Variants in NALCN observed in about 807,000 individuals in gnomAD.
NALCN encodes the protein sodium leak channel, non-selective.
A neutral mutation model predicts 225.3 loss-of-function variants in NALCN; 111 were observed. The observed-to-expected ratio is 0.49, with a 90% CI of 0.42 to 0.58. The LOEUF is 0.58. Among genes scored for constraint, NALCN ranks in the 20% least tolerant of loss-of-function variants. The pLI is 0.00. For missense variants in NALCN, 1,378 were observed against 2,202.4 expected (o/e 0.63, Z 7.49); for synonymous variants, 764 against 769.0 (o/e 0.99, Z 0.11).
chr13:101,189,970 C>T (rs967020600), intron 14 of NALCN, among the ~76,000 whole-genome samples: 3 of 151,984 alleles, frequency 2.0e-5, no homozygotes, highest in Non-Finnish European at 2.9e-5. Flanking sequence ...ATATTTTAGC[C>T]CATAAAGAAG....
chr13:101,369,357 T>C (rs1566623809), intron 6 of NALCN, among the ~76,000 whole-genome samples: 1 of 152,186 alleles, frequency 6.6e-6, no homozygotes, highest in Admixed American at 6.6e-5. Context: ...GGAGCTAATA[T>C]TTAGATCACA....
chr13:101,066,565 G>A (rs537657984), intron 39 of NALCN, among the ~76,000 whole-genome samples: 1 of 149,040 alleles, frequency 6.7e-6, no homozygotes, highest in East Asian at 2.0e-4. Flanking sequence ...ATCTCGGTGT[G>A]CAGGGCAGTG....
chr13:101,210,466 G>A (rs2040481796), intron 13 of NALCN, among the ~76,000 whole-genome samples: 1 of 152,094 alleles, frequency 6.6e-6, no homozygotes, highest in African/African-American at 2.4e-5. Context: ...TTAATGATAA[G>A]CTATTTCCGC....
At chr13:101,412,715 A>G (rs2047825882) in intron 1 of NALCN, among the ~76,000 whole-genome samples, 1 of 152,204 alleles carries the variant, frequency 6.6e-6, no homozygotes, top group African/African-American at 2.4e-5. Flanking sequence ...TCTATACTGA[A>G]TCTACCAGAA....
At chr13:101,218,029 T>C (rs753095679) in intron 13 of NALCN, among the ~76,000 whole-genome samples, 2 of 152,154 alleles carry the variant, frequency 1.3e-5, no homozygotes, top group African/African-American at 2.4e-5. Context: ...CTCCTTCCCA[T>C]GTGATTAACC....
intron 6 of NALCN, among the ~76,000 whole-genome samples, chr13:101,360,223 TCTCTCTCC>T (rs904006243): frequency 1.5e-5 from 2 of 133,762 alleles, no homozygotes; most frequent in South Asian, 2.4e-4. Flanking sequence ...TCTCTCTCTC[TCTCTCTCC>T]TTCCTTCCTT....
At chr13:101,318,649 T>G (rs1158665430) in intron 7 of NALCN, among the ~76,000 whole-genome samples, 1 of 152,190 alleles carries the variant, frequency 6.6e-6, no homozygotes, top group African/African-American at 2.4e-5. Flanking sequence ...TTATCCTTAG[T>G]AGGCTGAAGA....
chr13:101,383,488 G>T (rs891172619), intron 3 of NALCN, among the ~76,000 whole-genome samples: 7 of 152,148 alleles, frequency 4.6e-5, no homozygotes, highest in African/African-American at 1.7e-4. Flanking sequence ...CTTTAAGTCG[G>T]ATAATTTAAG....
chr13:101,092,725 C>T (rs1024570771), intron 28 of NALCN, among the ~76,000 whole-genome samples: 3 of 152,120 alleles, frequency 2.0e-5, no homozygotes, highest in African/African-American at 7.2e-5. Context: ...TAGGACCCCT[C>T]TTTTGTACAG....
At chr13:101,340,246 C>T (rs2045513631) in intron 7 of NALCN, among the ~76,000 whole-genome samples, 1 of 149,276 alleles carries the variant, frequency 6.7e-6, no homozygotes, top group Non-Finnish European at 1.5e-5. Context: ...CCAGCTTGGG[C>T]GACAGACCGA....
chr13:101,182,900 A>C (rs1406331566), intron 14 of NALCN, among the ~76,000 whole-genome samples: 1 of 152,220 alleles, frequency 6.6e-6, no homozygotes, highest in African/African-American at 2.4e-5. Flanking sequence ...GTAGAAGTGA[A>C]GGAAGAATGG....
chr13:101,311,737 T>G (rs12019484), intron 7 of NALCN, among the ~76,000 whole-genome samples: 1 of 151,886 alleles, frequency 6.6e-6, no homozygotes, highest in Non-Finnish European at 1.5e-5. Flanking sequence ...ATAAGCTTTT[T>G]GATGTGCTGC....
At chr13:101,263,496 T>G (rs1042293609) in intron 10 of NALCN, among the ~76,000 whole-genome samples, 3 of 152,188 alleles carry the variant, frequency 2.0e-5, no homozygotes, top group African/African-American at 7.2e-5. Context: ...GCCACAACTT[T>G]CTTTTTCTAT....
intron 16 of NALCN, among the ~76,000 whole-genome samples, 188 bp from the exon 17 acceptor site, chr13:101,143,409 A>C (rs1332577921): frequency 6.6e-6 from 1 of 152,242 alleles, no homozygotes; most frequent in Admixed American, 6.5e-5. Flanking sequence ...CTTAAAAAGC[A>C]ATATCCTTGA....
intron 15 of NALCN, among the ~76,000 whole-genome samples, chr13:101,174,761 G>A (rs186867925): frequency 5.3e-5 from 8 of 152,250 alleles, no homozygotes; most frequent in Non-Finnish European, 8.8e-5. Context: ...AAAAGCATAT[G>A]GAACCTGGCG....
intron 13 of NALCN, among the ~76,000 whole-genome samples, chr13:101,217,298 A>C (rs2040773196): frequency 6.6e-6 from 1 of 152,198 alleles, no homozygotes; most frequent in Non-Finnish European, 1.5e-5. Flanking sequence ...GCTGTTCCAG[A>C]ATGAATAGTT....
chr13:101,280,882 C>CTT (rs11336005), intron 10 of NALCN, among the ~76,000 whole-genome samples: 48 of 108,436 alleles, frequency 4.4e-4, no homozygotes, highest in Non-Finnish European at 6.7e-4. Context: ...CTCTCTCTCT[C>CTT]TTTTTTTTTT....
chr13:101,211,400 T>C (rs2040517138), intron 13 of NALCN, among the ~76,000 whole-genome samples: 2 of 152,166 alleles, frequency 1.3e-5, no homozygotes, highest in Non-Finnish European at 2.9e-5. Flanking sequence ...ATTCTGATCA[T>C]TGCAGTTCAG....
At position 101,070,216 on chromosome 13, in the gene NALCN, A is replaced by G. The variant is rs1312339578; in HGVS notation, c.4198-1389T>C. Among the ~76,000 whole-genome samples the G allele has an allele frequency of 2.0e-5, 3 of 151,904 alleles. No individual in the cohort carries two copies. In the East Asian group the frequency reaches 5.8e-4, roughly 29 times the overall value. The stretch of plus-strand genomic sequence containing the variant: ...CGAGTAGCTGAGTCTACAGGCGCCC[A>G]CCACCATGCCCGGCTAATTTTTTGT... On this transcript the variant is annotated intron_variant, in intron 37 of 43. Transcript: ENST00000251127.
Sources: allele counts gnomAD v4.1 joint callset (sites outside exome capture counted in the v4.1 genomes callset), GRCh38; gene constraint gnomAD v4.1.1; transcripts MANE v1.5; gene names NCBI Gene and HGNC (gene_info 2026-07-23, HGNC 2026-07-21).